CDIPT: variants seen among roughly 807,000 people sequenced by gnomAD.
CDIPT encodes PI synthase.
Under a neutral mutation model 21.6 loss-of-function variants are expected in CDIPT, and 17 were observed. The ratio of observed to expected loss-of-function variants is 0.79; its 90% CI spans 0.54 to 1.18. The LOEUF is 1.18. CDIPT is among the 50% of genes most tolerant of loss of function. CDIPT has a pLI of 0.00. For synonymous variants in CDIPT, 119 were observed against 117.9 expected (o/e 1.01, Z -0.06); for missense variants, 254 against 284.9 (o/e 0.89, Z 0.78).
chr16:29,858,458 T>C lies in CDIPT; in HGVS notation c.*731A>G, dbSNP rs2150766212. The C allele has an allele frequency of 6.6e-6, 1 of 152,252 alleles. No individual in the cohort carries two copies. 9.4% of individuals were successfully genotyped at this position (152,252 alleles called of 1,614,324 possible). A position where few individuals can be genotyped will look rare whatever the true frequency, so the allele number is the denominator to read the frequency against. On this transcript the variant is annotated 3_prime_UTR_variant, in exon 6 of 6. Coordinates refer to ENST00000219789, the MANE Select transcript of CDIPT (RefSeq NM_006319.5). ...AGAACAAGAAAAGTCTGTGCCTTCATGGAGTTTACATTCTAGTGAGGGTAG... is the reference window on the plus strand; with the variant it reads ...AGAACAAGAAAAGTCTGTGCCTTCACGGAGTTTACATTCTAGTGAGGGTAG...
At chr16:29,861,589 G>C in intron 2 of CDIPT, 1 of 1,262,480 alleles carries the variant, frequency 7.9e-7, no homozygotes, top group Non-Finnish European at 1.1e-6. Context: ...CTGGAGAACA[G>C]ATTAAAAAAT....
chr16:29,861,773 G>A lies in CDIPT; in HGVS notation c.179-514C>T, dbSNP rs554048819. 5.2e-4 allele frequency: 211 copies of A among 407,942 alleles called. 1 individual carries two copies. The highest frequency in any genetic ancestry group is 3.9e-3 in the African/African-American group (195 of 49,500). 25.3% of individuals were successfully genotyped at this position (407,942 alleles called of 1,614,324 possible). A position where few individuals can be genotyped will look rare whatever the true frequency, so the allele number is the denominator to read the frequency against. ...TTCCGAGACAGAGTCTTGCTCTGTCGCCCAGGCTGGAGTGCAATGGCGCAA... is the reference window on the plus strand; with the variant it reads ...TTCCGAGACAGAGTCTTGCTCTGTCACCCAGGCTGGAGTGCAATGGCGCAA... On this transcript the variant is annotated intron_variant, in intron 2 of 5. Coordinates refer to ENST00000219789, the MANE Select transcript of CDIPT (RefSeq NM_006319.5).
Position 29,858,958 on chromosome 16 carries a change from A to C in CDIPT, c.*231T>G, listed in dbSNP as rs1018760720. On this transcript the variant is annotated 3_prime_UTR_variant, in exon 6 of 6. Coordinates refer to ENST00000219789, the MANE Select transcript of CDIPT (RefSeq NM_006319.5). ...CACTGCCCGGTCCCGGCACCCCAGG[A>C]GCACCGCCTGGATGGAGGGGGCCTC... The C allele has an allele frequency of 2.3e-5, 13 of 577,184 alleles. No individual in the cohort carries two copies. The highest frequency in any genetic ancestry group is 3.4e-5 in the Non-Finnish European group (11 of 325,650). 35.8% of individuals were successfully genotyped at this position (577,184 alleles called of 1,614,324 possible).
intron 2 of CDIPT, chr16:29,861,499 C>A: frequency 1.3e-6 from 2 of 1,535,144 alleles, no homozygotes; most frequent in Non-Finnish European, 1.7e-6. Flanking sequence ...AAAGCTATGT[C>A]TGCAACTCAT....
rs1407051024 is a variant in CDIPT at position 29,859,428 on chromosome 16, C to A, written c.496+14G>T. On this transcript the variant is annotated intron_variant, in intron 5 of 5. Coordinates refer to ENST00000219789, the MANE Select transcript of CDIPT (RefSeq NM_006319.5). The surrounding 1 kb of genome is among the most constrained non-coding windows in gnomAD (Gnocchi z 4.5). ...TCCCCCTCCCATCCTCCTGCCCAGC[C>A]CCTCATCTCCTACCTAAAGGTCCCT... 1 of 1,609,920 alleles carries A rather than the reference C, an allele frequency of 6.2e-7. No homozygotes were observed. The highest frequency in any genetic ancestry group is 1.3e-5 in the African/African-American group (1 of 74,828).
chr16:29,861,755 A>G, intron 2 of CDIPT: 1 of 474,686 alleles, frequency 2.1e-6, no homozygotes, highest in Admixed American at 3.5e-5. Flanking sequence ...TTTTTCCGAG[A>G]CAGAGTCTTG....
chr16:29,860,563 T>C lies in CDIPT; in HGVS notation c.414+18A>G. 5.9e-6 allele frequency: 9 copies of C among 1,528,126 alleles called. No homozygotes were observed. Among genetic ancestry groups the C allele is most frequent in the Non-Finnish European group, 7.3e-6 (8 of 1,102,426 alleles). The allele number at this position is 1,528,126 out of a possible 1,614,324, so 94.7% of individuals were successfully genotyped here. A position where few individuals can be genotyped will look rare whatever the true frequency, so the allele number is the denominator to read the frequency against. On this transcript the variant is annotated intron_variant, in intron 4 of 5. Coordinates refer to ENST00000219789, the MANE Select transcript of CDIPT (RefSeq NM_006319.5). ...ACAGCCAAGAGCCTGAGGGGTGGGG[T>C]GTGCAGGAAATGCTTACCCTCGAGG...
chr16:29,859,176 CG>C lies in CDIPT; in HGVS notation c.*12del. 1 of 1,589,232 alleles carries C rather than the reference CG, an allele frequency of 6.3e-7. No homozygotes were observed. Among genetic ancestry groups the C allele is most frequent in the South Asian group, 1.1e-5 (1 of 87,348 alleles). ...CCAGGGCAGGTGGGCAGCCAGGACC[CG>C]GGGCTCCAGCGTCACTTCTTCTTGG... On this transcript the variant is annotated 3_prime_UTR_variant, in exon 6 of 6. Transcript: ENST00000219789. The surrounding 1 kb of genome is among the most constrained non-coding windows in gnomAD (Gnocchi z 4.5).
At chr16:29,861,035 C>G in intron 3 of CDIPT, 71 bp downstream of exon 3, 1 of 1,520,384 alleles carries the variant, frequency 6.6e-7, no homozygotes, top group South Asian at 1.1e-5. Context: ...CCCAGACACC[C>G]TTCCGTCTAG....
At position 29,860,832 on chromosome 16, in the gene CDIPT, A is replaced by G. The variant is rs1425084875; in HGVS notation, c.333-170T>C. The G allele has an allele frequency of 4.7e-6, 3 of 632,010 alleles. No individual in the cohort carries two copies. The East Asian group carries it at 8.2e-5, about 17-fold the overall frequency. The allele number at this position is 632,010 out of a possible 1,614,324, so 39.2% of individuals were successfully genotyped here. On this transcript the variant is annotated intron_variant, in intron 3 of 5. Transcript: ENST00000219789. ...GGCAGAGTCAGGATTCAAATGCCAC[A>G]TTTGAAAGCTCCCATGCCCCTTCCT...
chr16:29,861,040 G>A (rs3815822), intron 3 of CDIPT, 66 bp downstream of exon 3: 798,943 of 1,550,784 alleles, frequency 0.52, 215,393 homozygotes, highest in Non-Finnish European at 0.56. Context: ...ACACCCTTCC[G>A]TCTAGGCTCA....
chr16:29,859,308 C>T lies in CDIPT; in HGVS notation c.523G>A (p.Gly175Ser). The T allele has an allele frequency of 6.4e-7, 1 of 1,566,176 alleles. No homozygotes were observed. Among genetic ancestry groups the T allele is most frequent in the South Asian group, 1.2e-5 (1 of 84,988 alleles). Residue 175 changes from glycine to serine, a missense_variant, in exon 6 of 6, where the codon GGC (glycine) becomes AGC (serine). Gly to Ser is a moderately conservative substitution (Grantham distance 56). Transcript: ENST00000219789. This position sits in a 1 kb window ranked among gnomAD's most constrained non-coding sequence, Gnocchi z 4.5. Reference protein sequence around the residue: ...LVGSVGLFRMGLWVTAPIALL... With the variant: ...LVGSVGLFRMSLWVTAPIALL... ...GCGATGGGGGCAGTGACCCAGAGGC[C>T]CATCCGGAACAGTCCCACAGAGCCA...
rs1345025434 is a variant in CDIPT at position 29,859,434 on chromosome 16, T to A, written c.496+8A>T. 1.9e-6 allele frequency: 3 copies of A among 1,610,764 alleles called. No homozygotes were observed. Among genetic ancestry groups the A allele is most frequent in the Non-Finnish European group, 2.5e-6 (3 of 1,177,836 alleles). On this transcript the variant is annotated splice_region_variant and intron_variant, in intron 5 of 5. Coordinates refer to ENST00000219789, the MANE Select transcript of CDIPT (RefSeq NM_006319.5). The surrounding 1 kb of genome is among the most constrained non-coding windows in gnomAD (Gnocchi z 4.5). ...TCCCATCCTCCTGCCCAGCCCCTCA[T>A]CTCCTACCTAAAGGTCCCTCAGAGA... is the stretch of plus-strand genomic sequence containing the variant.
intron 4 of CDIPT, among the ~76,000 whole-genome samples, chr16:29,860,085 C>T (rs990046865): frequency 3.9e-5 from 6 of 152,112 alleles, no homozygotes; most frequent in Admixed American, 1.3e-4. Flanking sequence ...AGACTACAGG[C>T]GTGTACCACT....
chr16:29,861,210 G>T lies in CDIPT; in HGVS notation c.228C>A (p.Thr76=), dbSNP rs1019363617. The change falls in exon 3 of 6, where the codon ACC becomes ACA. Residue 76 remains threonine (T), a synonymous_variant. Transcript: ENST00000219789. ...MLDMLTDRCS[T]MCLLVNLALL... ...GGGCCAGGTTGACCAACAGGCACAT[G>T]GTGGAGCAGCGGTCCGTCAGCATGT... is the stretch of plus-strand genomic sequence containing the variant. The T allele has an allele frequency of 6.2e-7, 1 of 1,614,072 alleles. No homozygotes were observed. Among genetic ancestry groups the T allele is most frequent in the African/African-American group, 1.3e-5 (1 of 74,930 alleles).
At position 29,863,062 on chromosome 16, in the gene CDIPT, G is replaced by C. The variant is rs2067698416; in HGVS notation, c.-205C>G. The C allele has an allele frequency of 4.8e-6, 3 of 623,886 alleles. No homozygotes were observed. Among genetic ancestry groups the C allele is most frequent in the Admixed American group, 3.0e-5 (1 of 33,736 alleles). The allele number at this position is 623,886 out of a possible 1,614,324, so 38.6% of individuals were successfully genotyped here. A position where few individuals can be genotyped will look rare whatever the true frequency, so the allele number is the denominator to read the frequency against. ...CCGAGGTGCGCGGGACGCAGGGGGCGCGCGCAGTCCGCCCTTCCTACCCGC... is the reference window on the plus strand; with the variant it reads ...CCGAGGTGCGCGGGACGCAGGGGGCCCGCGCAGTCCGCCCTTCCTACCCGC... On this transcript the variant is annotated 5_prime_UTR_variant, in exon 1 of 6. Transcript: ENST00000219789.
rs1022699929 is a variant in CDIPT at position 29,859,119 on chromosome 16, G to A, written c.*70C>T. 7.3e-6 allele frequency: 11 copies of A among 1,506,584 alleles called. No individual in the cohort carries two copies. The highest frequency in any genetic ancestry group is 4.8e-5 in the South Asian group (4 of 83,044). 93.3% of individuals were successfully genotyped at this position (1,506,584 alleles called of 1,614,324 possible). A position where few individuals can be genotyped will look rare whatever the true frequency, so the allele number is the denominator to read the frequency against. ...GCGTGAGACTGGGACCTCCTAGCAG[G>A]GGGTGGGGAGCTGTGTGGCACAGCA... On this transcript the variant is annotated 3_prime_UTR_variant, in exon 6 of 6. Transcript: ENST00000219789. The surrounding 1 kb of genome is among the most constrained non-coding windows in gnomAD (Gnocchi z 4.5).
Position 29,862,547 on chromosome 16 carries a change from T to A in CDIPT, c.178+39A>T. On this transcript the variant is annotated intron_variant, in intron 2 of 5. Coordinates refer to ENST00000219789, the MANE Select transcript of CDIPT (RefSeq NM_006319.5). This position sits in a 1 kb window ranked among gnomAD's most constrained non-coding sequence, Gnocchi z 6.7. ...GAGGCAGGGGAAGGGAGGAGGGGAT[T>A]GTTGAACCCCAAGGCTGGCTGAGAG... 1.3e-6 allele frequency: 2 copies of A among 1,550,476 alleles called. No homozygotes were observed. The highest frequency in any genetic ancestry group is 1.7e-6 in the Non-Finnish European group (2 of 1,146,208).
Position 29,863,141 on chromosome 16 carries a change from C to A in CDIPT, c.-284G>T. 6.6e-6 allele frequency: 3 copies of A among 453,204 alleles called. No homozygotes were observed. Among genetic ancestry groups the A allele is most frequent in the Non-Finnish European group, 1.2e-5 (3 of 254,600 alleles). 28.1% of individuals were successfully genotyped at this position (453,204 alleles called of 1,614,324 possible). Reference sequence around the variant, plus strand: ...GGCGCTCCGGGCCTCCAGCTGCGGTCGCCGCTGCTCCAGCTGCGCGTGGCT... The same window carrying A: ...GGCGCTCCGGGCCTCCAGCTGCGGTAGCCGCTGCTCCAGCTGCGCGTGGCT... On this transcript the variant is annotated 5_prime_UTR_variant, in exon 1 of 6. Coordinates refer to ENST00000219789, the MANE Select transcript of CDIPT (RefSeq NM_006319.5).
Sources: allele counts gnomAD v4.1 joint callset (sites outside exome capture counted in the v4.1 genomes callset), GRCh38; gene constraint gnomAD v4.1.1; non-coding constraint Gnocchi (gnomAD v3.1); transcripts MANE v1.5; gene names NCBI Gene and HGNC (gene_info 2026-07-23, HGNC 2026-07-21).